STXBP5L: variants seen among roughly 807,000 people sequenced by gnomAD.
STXBP5L encodes the protein syntaxin binding protein 5L, also known as syntaxin-binding protein 5-like.
STXBP5L carries 65 observed loss-of-function variants against 144.5 expected under a neutral mutation model. That is an observed-to-expected ratio of 0.45 (90% CI 0.37 to 0.55). The LOEUF is 0.55. Among genes scored for constraint, STXBP5L ranks in the 20% least tolerant of loss-of-function variants. The pLI is 0.00. For missense variants in STXBP5L, 1,298 were observed against 1,405.5 expected, an observed-to-expected ratio of 0.92 and a Z score of 1.22; for synonymous variants, 505 against 469.6, an observed-to-expected ratio of 1.08 and a Z score of -0.97.
chr3:120,994,290 G>A (rs1022200809), intron 3 of STXBP5L, among the ~76,000 whole-genome samples: 2 of 151,912 alleles, frequency 1.3e-5, no homozygotes, highest in African/African-American at 2.4e-5. Context: ...TTTTTCTCCT[G>A]CCTAATTGCT....
intron 20 of STXBP5L, among the ~76,000 whole-genome samples, chr3:121,362,871 G>T (rs1347952621): frequency 6.6e-6 from 1 of 152,128 alleles, no homozygotes; most frequent in Non-Finnish European, 1.5e-5. Flanking sequence ...AGTCTCAGGG[G>T]TTCATCCAAG....
chr3:121,049,410 G>T (rs1025857859), intron 5 of STXBP5L, among the ~76,000 whole-genome samples: 2 of 152,062 alleles, frequency 1.3e-5, no homozygotes, highest in Non-Finnish European at 2.9e-5. Context: ...AGCAGGGGTG[G>T]GGGCTCCTGT....
intron 9 of STXBP5L, among the ~76,000 whole-genome samples, chr3:121,191,498 A>G (rs975623324): frequency 1.3e-5 from 2 of 152,162 alleles, no homozygotes; most frequent in Non-Finnish European, 2.9e-5. Flanking sequence ...AATACAGTCC[A>G]GCCTCGGCTG....
chr3:121,102,308 CTA>C (rs2043470143), intron 5 of STXBP5L, among the ~76,000 whole-genome samples: 1 of 152,036 alleles, frequency 6.6e-6, no homozygotes, highest in South Asian at 2.1e-4. Context: ...CTGATTCAAA[CTA>C]TACTACTGTA....
At chr3:121,368,481 G>A (rs937769950) in intron 20 of STXBP5L, among the ~76,000 whole-genome samples, 1 of 151,346 alleles carries the variant, frequency 6.6e-6, no homozygotes, top group Admixed American at 6.6e-5. Flanking sequence ...CTTTTTCAGG[G>A]ATAATTTCTG....
At chr3:121,366,840 G>A (rs1161054646) in intron 20 of STXBP5L, among the ~76,000 whole-genome samples, 1 of 151,994 alleles carries the variant, frequency 6.6e-6, no homozygotes, top group African/African-American at 2.4e-5. Context: ...CTGTTTGTGT[G>A]TGGTCTTGTG....
chr3:121,106,603 A>G (rs942992069), intron 5 of STXBP5L, among the ~76,000 whole-genome samples: 5 of 152,174 alleles, frequency 3.3e-5, no homozygotes, highest in Admixed American at 1.3e-4. Context: ...ATAGTATTCC[A>G]TGGTGTATAT....
intron 7 of STXBP5L, among the ~76,000 whole-genome samples, chr3:121,136,352 C>G (rs2045256433): frequency 6.6e-6 from 1 of 152,188 alleles, no homozygotes; most frequent in Non-Finnish European, 1.5e-5. Flanking sequence ...CAGGCAGAGC[C>G]TCTAGACCTG....
In STXBP5L at chr3:120,929,974, A is replaced by G. The variant is rs182278517; in HGVS notation, c.189+20207A>G. 2.0e-5 allele frequency among the ~76,000 whole-genome samples: 3 copies of G among 151,744 alleles called. No homozygotes were observed. The East Asian group carries it at 5.8e-4, about 29-fold the overall frequency. On this transcript the variant is annotated intron_variant, in intron 2 of 26. Coordinates refer to ENST00000471454, the MANE Select transcript of STXBP5L (RefSeq NM_001308330.2). ...TATTAGCTTTTATACATTTTAATAT[A>G]TTAAATTGATCAATCTTTTATCTGT...
chr3:121,184,437 A>C (rs150171082), intron 9 of STXBP5L, among the ~76,000 whole-genome samples: 21 of 151,742 alleles, frequency 1.4e-4, no homozygotes, highest in African/African-American at 4.8e-4. Context: ...TCAATATCCA[A>C]ATAGATCAAG....
At chr3:121,233,026 G>A (rs1315892727) in intron 11 of STXBP5L, among the ~76,000 whole-genome samples, 1 of 152,130 alleles carries the variant, frequency 6.6e-6, no homozygotes, top group African/African-American at 2.4e-5. Context: ...ATCTTGGCAT[G>A]TTCAGGTTAC....
chr3:121,390,338 T>C (rs1230540115), intron 22 of STXBP5L, among the ~76,000 whole-genome samples: 2 of 152,184 alleles, frequency 1.3e-5, no homozygotes, highest in Non-Finnish European at 2.9e-5. Flanking sequence ...TGACTCTTCA[T>C]CCAATTTGCC....
intron 19 of STXBP5L, among the ~76,000 whole-genome samples, chr3:121,303,678 C>A (rs2052023290): frequency 6.6e-6 from 1 of 152,146 alleles, no homozygotes; most frequent in African/African-American, 2.4e-5. Context: ...CACATATACA[C>A]CATGGAATAC....
intron 5 of STXBP5L, among the ~76,000 whole-genome samples, chr3:121,105,385 A>T (rs2043647071): frequency 1.3e-5 from 2 of 151,926 alleles, no homozygotes; most frequent in Admixed American, 6.6e-5. Context: ...ACAGAGTGAG[A>T]CTCTGTCTCA....
chr3:121,303,872 C>T, intron 19 of STXBP5L, among the ~76,000 whole-genome samples: 2 of 151,268 alleles, frequency 1.3e-5, no homozygotes, highest in Non-Finnish European at 2.9e-5. Context: ...ACCCCGGGGC[C>T]TGTTGTGGGG....
intron 22 of STXBP5L, among the ~76,000 whole-genome samples, chr3:121,389,004 T>C (rs2046503402): frequency 2.0e-5 from 3 of 152,228 alleles, no homozygotes; most frequent in African/African-American, 7.2e-5. Flanking sequence ...AATACAGCTA[T>C]GAATCCATCT....
rs114040846 is a variant in STXBP5L at position 121,267,004 on chromosome 3, C to A, written c.1958+7836C>A. 5.2e-3 allele frequency among the ~76,000 whole-genome samples: 788 copies of A among 151,832 alleles called. 5 individuals carry two copies. In the East Asian group the frequency reaches 0.058, roughly 11 times the overall value. On this transcript the variant is annotated intron_variant, in intron 18 of 26. Coordinates refer to ENST00000471454, the MANE Select transcript of STXBP5L (RefSeq NM_001308330.2). ...GAAAAACATTCCGTGCTCATAGATT[C>A]AATGCTATCCCCATCAAGCTACCAT... is the stretch of plus-strand genomic sequence containing the variant.
At chr3:121,279,520 A>G (rs1375955814) in intron 18 of STXBP5L, among the ~76,000 whole-genome samples, 1 of 151,912 alleles carries the variant, frequency 6.6e-6, no homozygotes, top group African/African-American at 2.4e-5. Context: ...GTGAAAACAT[A>G]AGGCCTAGTT....
chr3:121,379,064 C>T (rs2046263270), intron 21 of STXBP5L, among the ~76,000 whole-genome samples, 178 bp downstream of exon 21: 1 of 152,110 alleles, frequency 6.6e-6, no homozygotes, highest in Non-Finnish European at 1.5e-5. Context: ...CTCACTCCAC[C>T]TCCTTCCTCA....
Sources: gnomAD v4.1 joint callset for allele counts (sites outside exome capture counted in the v4.1 genomes callset) on GRCh38, gnomAD v4.1.1 for gene constraint, MANE v1.5 for transcripts, NCBI Gene and HGNC (gene_info 2026-07-23, HGNC 2026-07-21) for gene names.